Variants in MAST1 observed in about 807,000 individuals in gnomAD.
MAST1 encodes the protein microtubule-associated serine/threonine-protein kinase 1.
A neutral mutation model predicts 124.6 loss-of-function variants in MAST1; 40 were observed. The ratio of observed to expected loss-of-function variants is 0.32; its 90% CI spans 0.25 to 0.42. The LOEUF is 0.42. Ranked by LOEUF, MAST1 falls within the 10% of genes least tolerant of loss-of-function variation. The pLI, the probability that MAST1 is intolerant of heterozygous loss-of-function variation, is 1.00. For missense variants in MAST1, 1,558 were observed against 2,181.9 expected (o/e 0.71, Z 5.70); for synonymous variants, 938 against 939.4 (o/e 1.00, Z 0.03).
chr19:12,868,201 C>G (rs1970185703), intron 20 of MAST1, among the ~76,000 whole-genome samples: 1 of 148,204 alleles, frequency 6.7e-6, no homozygotes, highest in Non-Finnish European at 1.5e-5. Flanking sequence ...CTCCACCTCC[C>G]AAGTTCAAGT....
At position 12,856,392 on chromosome 19, in the gene MAST1, T is replaced by G. The variant is rs552013630; in HGVS notation, c.1078-1970T>G. Among the ~76,000 whole-genome samples, 120 of 149,864 alleles carry G rather than the reference T, an allele frequency of 8.0e-4. 1 individual carries two copies. Among genetic ancestry groups the G allele is most frequent in the Non-Finnish European group, 1.3e-3 (85 of 67,222 alleles). On this transcript the variant is annotated intron_variant, in intron 10 of 25. Transcript: ENST00000251472. ...ATCTCGGCTCACTGCAACCTCTGCT[T>G]CCTGGGTTCAAGTGGTTCTCCTGCT...
chr19:12,858,679 G>T lies in MAST1; in HGVS notation c.1306G>T (p.Gly436Cys). 2 of 1,614,238 alleles carry T rather than the reference G, an allele frequency of 1.2e-6. No individual in the cohort carries two copies. Among genetic ancestry groups the T allele is most frequent in the Non-Finnish European group, 1.7e-6 (2 of 1,180,042 alleles). ...CTTCGCCGAGAACCCGTTTGTGGTC[G>T]GCATGTTCTGCTCCTTTGAGACTCG... ...LTFAENPFVV[G>C]MFCSFETRRH... The change falls in exon 12 of 26, where the codon GGC (glycine) becomes TGC (cysteine). Residue 436 changes from glycine (G) to cysteine (C), a missense_variant. Gly to Cys is a radical substitution (Grantham distance 159, BLOSUM62 -3). This residue lies in a region of MAST1 where 145 missense variants were observed against 350.0 expected (regional missense o/e 0.41). Transcript: ENST00000251472.
At chr19:12,859,013 A>C in intron 12 of MAST1, 1 of 524,744 alleles carries the variant, frequency 1.9e-6, no homozygotes, top group South Asian at 3.1e-5. Flanking sequence ...TGATGTGCTA[A>C]TCCATCTGTT....
At position 12,865,687 on chromosome 19, in the gene MAST1, A is replaced by ACCGC. The variant is rs747973636; in HGVS notation, c.1805-27_1805-24dup. 1.3e-6 allele frequency: 2 copies of ACCGC among 1,566,884 alleles called. No individual in the cohort carries two copies. The highest frequency in any genetic ancestry group is 2.3e-5 in the South Asian group (2 of 87,348). ...TGTCCAAACAACAACAACAACAAAAACCGCCCCTAAGTTCCGTTTTGTTTT... is the reference window on the plus strand; with the variant it reads ...TGTCCAAACAACAACAACAACAAAAACCGCCCGCCCCTAAGTTCCGTTTTGTTTT... On this transcript the variant is annotated intron_variant, in intron 15 of 25. Coordinates refer to ENST00000251472, the MANE Select transcript of MAST1 (RefSeq NM_014975.3). This position sits in a 1 kb window ranked among gnomAD's most constrained non-coding sequence, Gnocchi z 7.1.
chr19:12,860,064 G>C (rs1011840233), intron 12 of MAST1, among the ~76,000 whole-genome samples: 1 of 151,572 alleles, frequency 6.6e-6, no homozygotes, highest in Admixed American at 6.6e-5. Context: ...TTGTCTTTGT[G>C]GTTGTCCATC....
At position 12,847,259 on chromosome 19, in the gene MAST1, G is replaced by A; in HGVS notation, c.328-31G>A. ...CTGAGCTGTTGGGGGGCCCATGGTGGCTCTGACCCCGGCCCTGCCCCTGTC... is the reference window on the plus strand; with the variant it reads ...CTGAGCTGTTGGGGGGCCCATGGTGACTCTGACCCCGGCCCTGCCCCTGTC... On this transcript the variant is annotated intron_variant, in intron 4 of 25. Coordinates refer to ENST00000251472, the MANE Select transcript of MAST1 (RefSeq NM_014975.3). This position sits in a 1 kb window ranked among gnomAD's most constrained non-coding sequence, Gnocchi z 5.5. 6.5e-7 allele frequency: 1 copy of A among 1,529,048 alleles called. No homozygotes were observed. The highest frequency in any genetic ancestry group is 9.0e-7 in the Non-Finnish European group (1 of 1,109,438). 94.7% of individuals were successfully genotyped at this position (1,529,048 alleles called of 1,614,324 possible).
intron 7 of MAST1, 144 bp downstream of exon 7, chr19:12,848,201 A>C (rs973942655): frequency 1.4e-6 from 1 of 707,626 alleles, no homozygotes; most frequent in Non-Finnish European, 2.4e-6. Flanking sequence ...TCAGGGGTGG[A>C]AGTGGTCCCT....
At chr19:12,858,798 G>A (rs779163962) in intron 12 of MAST1, 59 bp downstream of exon 12, 27 of 1,574,828 alleles carry the variant, frequency 1.7e-5, no homozygotes, top group African/African-American at 5.4e-5. Flanking sequence ...TCAGGGCTGC[G>A]GGGTGGCCTG....
rs1970145353 is a variant in MAST1, at chr19:12,865,768, T to C, written c.1856T>C (p.Leu619Pro). Reference sequence around the variant, plus strand: ...GAGGCCCTACCTACGGAGGCCCAACTCCTCATATCCAGCCTCCTGCAGACC... The same window carrying C: ...GAGGCCCTACCTACGGAGGCCCAACCCCTCATATCCAGCCTCCTGCAGACC... ...GDEALPTEAQLLISSLLQTNP... is the reference protein window; with the variant it reads ...GDEALPTEAQPLISSLLQTNP... Residue 619 changes from leucine to proline, a missense_variant, in exon 16 of 26, where the codon CTC (leucine) becomes CCC (proline). Physicochemically the swap from Leu to Pro is moderately conservative, Grantham distance 98. This residue lies in a region of MAST1 where 145 missense variants were observed against 350.0 expected (regional missense o/e 0.41). Coordinates refer to ENST00000251472, the MANE Select transcript of MAST1 (RefSeq NM_014975.3). The surrounding 1 kb of genome is among the most constrained non-coding windows in gnomAD (Gnocchi z 7.1). 6.2e-7 allele frequency: 1 copy of C among 1,613,848 alleles called. No individual in the cohort carries two copies. The highest frequency in any genetic ancestry group is 8.5e-7 in the Non-Finnish European group (1 of 1,179,908).
intron 12 of MAST1, among the ~76,000 whole-genome samples, chr19:12,859,550 C>CT (rs1017742249): frequency 6.6e-6 from 1 of 151,664 alleles, no homozygotes; most frequent in African/African-American, 2.4e-5. Context: ...CCACACTCGG[C>CT]TAATTTTTGG....
intron 1 of MAST1, among the ~76,000 whole-genome samples, chr19:12,840,115 T>A (rs887001791): frequency 2.0e-5 from 3 of 152,190 alleles, no homozygotes; most frequent in African/African-American, 7.2e-5. Flanking sequence ...CACACGTGGA[T>A]ACCTACAGTG....
intron 7 of MAST1, among the ~76,000 whole-genome samples, chr19:12,851,579 C>A (rs1192807662): frequency 6.6e-6 from 1 of 152,088 alleles, no homozygotes; most frequent in East Asian, 1.9e-4. Context: ...TTCTGCCTCC[C>A]AGGTTCAAGG....
At chr19:12,864,468 A>C (rs1478832234) in intron 12 of MAST1, among the ~76,000 whole-genome samples, 1 of 151,932 alleles carries the variant, frequency 6.6e-6, no homozygotes, top group African/African-American at 2.4e-5. Flanking sequence ...TTCAGACACC[A>C]GGAGATAGAG....
chr19:12,864,828 G>C lies in MAST1; in HGVS notation c.1386G>C (p.Leu462=), dbSNP rs769751232. The C allele has an allele frequency of 6.2e-6, 10 of 1,613,780 alleles. No individual in the cohort carries two copies. The highest frequency in any genetic ancestry group is 1.6e-4 in the Middle Eastern group (1 of 6,082). The change falls in exon 13 of 26, where the codon CTG becomes CTC. Residue 462 remains leucine (L), a synonymous_variant. Transcript: ENST00000251472. The stretch of plus-strand genomic sequence containing the variant: ...CTGCAGGCGGCGACTGTGCCACCCT[G>C]CTGAAGAATATTGGAGCGCTGCCCG... ...EYVEGGDCAT[L]LKNIGALPVE...
chr19:12,856,234 AT>A (rs112481792), intron 10 of MAST1, among the ~76,000 whole-genome samples: 7,858 of 152,060 alleles, frequency 0.052, 695 homozygotes, highest in African/African-American at 0.18. Context: ...AGTGAAAAAA[AT>A]CTTACTCCTA....
intron 12 of MAST1, among the ~76,000 whole-genome samples, chr19:12,860,939 A>G (rs996320970): frequency 6.6e-6 from 1 of 152,028 alleles, no homozygotes; most frequent in East Asian, 1.9e-4. Flanking sequence ...CTCGTGTCAC[A>G]TGCTGTGCTA....
chr19:12,859,875 T>C (rs1401284589), intron 12 of MAST1, among the ~76,000 whole-genome samples: 1 of 151,386 alleles, frequency 6.6e-6, no homozygotes, highest in Admixed American at 6.6e-5. Flanking sequence ...TTTTGTTCGT[T>C]TGTTTTGTTT....
Position 12,873,625 on chromosome 19 carries a change from C to T in MAST1, c.3468C>T (p.Ser1156=). 1 of 1,588,454 alleles carries T rather than the reference C, an allele frequency of 6.3e-7. No individual in the cohort carries two copies. Residue 1156 remains serine, a synonymous_variant, in exon 26 of 26, where the codon AGC becomes AGT. Coordinates refer to ENST00000251472, the MANE Select transcript of MAST1 (RefSeq NM_014975.3). The part of the protein sequence containing the change: ...DSAYLGASSQ[S]SSPASSTPNS... ...CTCCCGCAGGCGCCTCATCCCAGAG[C>T]AGCTCCCCAGCCTCGAGCACGCCCA...
intron 7 of MAST1, 118 bp from the exon 8 acceptor site, chr19:12,851,816 A>T: frequency 1.4e-6 from 1 of 738,084 alleles, no homozygotes; most frequent in Non-Finnish European, 2.2e-6. Flanking sequence ...CTTGGGCTTC[A>T]GTCTCCTCAC....
Sources: allele counts gnomAD v4.1 joint callset (sites outside exome capture counted in the v4.1 genomes callset), GRCh38; gene constraint gnomAD v4.1.1; regional missense constraint gnomAD v4.1.1; non-coding constraint Gnocchi (gnomAD v3.1); transcripts MANE v1.5; gene names NCBI Gene and HGNC (gene_info 2026-07-23, HGNC 2026-07-21).